The following NUS1 variants were observed in gnomAD, a reference collection of about 807,000 sequenced individuals.
The protein encoded by NUS1 is dehydrodolichyl diphosphate synthase complex subunit NUS1.
For synonymous variants in NUS1, 135 were observed against 155.2 expected (o/e 0.87, Z 0.97); for missense variants, 292 against 382.9 (o/e 0.76, Z 1.98).
chr6:117,685,048 CTTA>C (rs1466433437), intron 1 of NUS1, among the ~76,000 whole-genome samples: 3 of 152,098 alleles, frequency 2.0e-5, no homozygotes, highest in Non-Finnish European at 4.4e-5. Flanking sequence ...GGAACATTCC[CTTA>C]TTATCTAAAC....
rs1239615559 is a variant in NUS1 at position 117,708,926 on chromosome 6, A to C, written c.*1911A>C. The C allele has an allele frequency of 6.6e-6, 1 of 152,166 alleles. No homozygotes were observed. Among genetic ancestry groups the C allele is most frequent in the Non-Finnish European group, 1.5e-5 (1 of 67,986 alleles). The allele number at this position is 152,166 out of a possible 1,614,324, so 9.4% of individuals were successfully genotyped here. On this transcript the variant is annotated 3_prime_UTR_variant, in exon 5 of 5. Transcript: ENST00000368494. ...TTAGTCAAATAAATTACCTACTGGA[A>C]TATAGCCCAAGCCAGTAAAGGTTTA... is the stretch of plus-strand genomic sequence containing the variant.
chr6:117,706,908 C>T lies in NUS1; in HGVS notation c.792-17C>T, dbSNP rs146457283. The T allele has an allele frequency of 2.0e-5, 32 of 1,604,940 alleles. No individual in the cohort carries two copies. In the East Asian group the frequency reaches 6.9e-4, roughly 35 times the overall value. On this transcript the variant is annotated splice_polypyrimidine_tract_variant and intron_variant, in intron 4 of 4. Transcript: ENST00000368494. Reference sequence around the variant, plus strand: ...TGTATATCTAATTGCTTTTCTCCCCCCGTGTTTTCTTTTCAGCTCTTTGCC... The same window carrying T: ...TGTATATCTAATTGCTTTTCTCCCCTCGTGTTTTCTTTTCAGCTCTTTGCC...
chr6:117,695,950 G>A (rs1049376301), intron 3 of NUS1, among the ~76,000 whole-genome samples: 3 of 152,054 alleles, frequency 2.0e-5, no homozygotes, highest in South Asian at 2.1e-4. Flanking sequence ...TGCATTCATC[G>A]GTTAATGCAC....
At chr6:117,687,736 C>T (rs965620134) in intron 1 of NUS1, among the ~76,000 whole-genome samples, 1 of 152,186 alleles carries the variant, frequency 6.6e-6, no homozygotes, top group African/African-American at 2.4e-5. Flanking sequence ...TTCTGTTCAA[C>T]AAGCATGGAA....
In NUS1 at chr6:117,694,646, TG is replaced by T. The variant is rs144619006; in HGVS notation, c.691+467del. ...ACCAAATATACAACTGTATTTGTCATGTTATACCAAATATAACTTTTTTTCT... is the reference window on the plus strand; with the variant it reads ...ACCAAATATACAACTGTATTTGTCATTTATACCAAATATAACTTTTTTTCT... On this transcript the variant is annotated intron_variant, in intron 3 of 4. Transcript: ENST00000368494. Among the ~76,000 whole-genome samples the T allele has an allele frequency of 5.4e-3, 829 of 152,314 alleles. 8 individuals are homozygous for T. The highest frequency in any genetic ancestry group is 0.019 in the African/African-American group (775 of 41,564).
At position 117,707,090 on chromosome 6, in the gene NUS1, C is replaced by A; in HGVS notation, c.*75C>A. The A allele has an allele frequency of 8.1e-7, 1 of 1,238,126 alleles. No individual in the cohort carries two copies. Among genetic ancestry groups the A allele is most frequent in the Non-Finnish European group, 1.2e-6 (1 of 844,334 alleles). 76.7% of individuals were successfully genotyped at this position (1,238,126 alleles called of 1,614,324 possible). A position where few individuals can be genotyped will look rare whatever the true frequency, so the allele number is the denominator to read the frequency against. ...AAGTGACTCTGATGTTTACAAAGCACCTATGAAACCCTGTACACACCTAGT... is the reference window on the plus strand; with the variant it reads ...AAGTGACTCTGATGTTTACAAAGCAACTATGAAACCCTGTACACACCTAGT... On this transcript the variant is annotated 3_prime_UTR_variant, in exon 5 of 5. Transcript: ENST00000368494.
In NUS1 at chr6:117,675,941, G is replaced by A. The variant is rs779673665; in HGVS notation, c.271G>A (p.Gly91Ser). 79 of 1,545,702 alleles carry A rather than the reference G, an allele frequency of 5.1e-5. No individual in the cohort carries two copies. The highest frequency in any genetic ancestry group is 1.2e-4 in the South Asian group (10 of 83,904). Residue 91 changes from glycine to serine, a missense_variant, in exon 1 of 5, where the codon GGT (glycine) becomes AGT (serine). Transcript: ENST00000368494. The part of the protein sequence containing the change: ...AHHRMRWRAD[G>S]RSLEKLPVHM... ...CCACCGGATGCGCTGGCGCGCGGAC[G>A]GTCGTTCCTTGGAGAAGCTGCCTGT...
At chr6:117,703,346 C>T (rs898228994) in intron 3 of NUS1, among the ~76,000 whole-genome samples, 2 of 152,030 alleles carry the variant, frequency 1.3e-5, no homozygotes, top group East Asian at 3.9e-4. Context: ...GGTGGGTTAC[C>T]CTTTCTTATC....
At chr6:117,693,430 A>C (rs1182945513) in intron 2 of NUS1, among the ~76,000 whole-genome samples, 1 of 152,176 alleles carries the variant, frequency 6.6e-6, no homozygotes, top group African/African-American at 2.4e-5. Flanking sequence ...AGAGATATTG[A>C]AATGAATATA....
intron 1 of NUS1, among the ~76,000 whole-genome samples, chr6:117,688,995 G>C (rs1217737921): frequency 6.6e-6 from 1 of 152,172 alleles, no homozygotes. Flanking sequence ...TGGACAGAAA[G>C]AGAGGGCTGA....
In NUS1 at chr6:117,680,145, G is replaced by T. The variant is rs539087324; in HGVS notation, c.415+4060G>T. ...TTTTTCACTACCTGCAATATTTCTT[G>T]ATTATAATAGAGTCTGCAAGTAATT... On this transcript the variant is annotated intron_variant, in intron 1 of 4. Transcript: ENST00000368494. 1.5e-4 allele frequency among the ~76,000 whole-genome samples: 23 copies of T among 152,284 alleles called. No homozygotes were observed. The South Asian group carries it at 3.3e-3, about 22-fold the overall frequency.
chr6:117,695,721 C>T (rs543275136), intron 3 of NUS1, among the ~76,000 whole-genome samples: 2 of 152,144 alleles, frequency 1.3e-5, no homozygotes, highest in Non-Finnish European at 2.9e-5. Context: ...ATTTAGTCCC[C>T]ACTCCTGCCC....
chr6:117,690,310 C>T (rs1000505759), intron 1 of NUS1, among the ~76,000 whole-genome samples: 2 of 152,110 alleles, frequency 1.3e-5, no homozygotes, highest in African/African-American at 4.8e-5. Context: ...GTAGTGCCAT[C>T]TTAGCCTTCT....
intron 3 of NUS1, among the ~76,000 whole-genome samples, chr6:117,701,797 C>T (rs897066627): frequency 9.9e-5 from 15 of 152,076 alleles, no homozygotes; most frequent in African/African-American, 3.4e-4. Flanking sequence ...TTTCTAAATA[C>T]ACGATCATGT....
At chr6:117,695,526 G>C (rs2114688591) in intron 3 of NUS1, among the ~76,000 whole-genome samples, 1 of 152,316 alleles carries the variant, frequency 6.6e-6, no homozygotes, top group South Asian at 2.1e-4. Flanking sequence ...TCTAAAAGTT[G>C]ATGGAGATCC....
Position 117,675,894 on chromosome 6 carries a change from G to A in NUS1, c.224G>A (p.Gly75Glu), listed in dbSNP as rs557867164. ...NRRHHRHPRG[G>E]SCLAAAHHRM... The stretch of plus-strand genomic sequence containing the variant: ...CGTCACCACCGGCACCCGCGCGGGG[G>A]GTCGTGCCTGGCAGCCGCACACCAC... The change falls in exon 1 of 5, where the codon GGG (glycine) becomes GAG (glutamate). Residue 75 changes from glycine (G) to glutamate (E), a missense_variant. By Grantham distance (98) the Gly-to-Glu change is moderately conservative. Coordinates refer to ENST00000368494, the MANE Select transcript of NUS1 (RefSeq NM_138459.5). The A allele has an allele frequency of 4.0e-5, 62 of 1,537,278 alleles. No individual in the cohort carries two copies. In the African/African-American group the frequency reaches 7.3e-4, roughly 18 times the overall value.
At chr6:117,694,307 T>C in intron 3 of NUS1, 127 bp downstream of exon 3, 1 of 460,592 alleles carries the variant, frequency 2.2e-6, no homozygotes, top group Non-Finnish European at 3.6e-6. Flanking sequence ...CCTGATTCTT[T>C]TGTTGTTAAT....
At chr6:117,706,886 A>G (rs1773508404) in intron 4 of NUS1, 39 bp from the exon 5 acceptor site, 2 of 1,498,150 alleles carry the variant, frequency 1.3e-6, no homozygotes, top group Admixed American at 1.7e-5. Context: ...ATTACAGTGT[A>G]TATCTAATTG....
chr6:117,704,260 C>T (rs1331109876), intron 4 of NUS1, among the ~76,000 whole-genome samples: 1 of 151,940 alleles, frequency 6.6e-6, no homozygotes, highest in Admixed American at 6.6e-5. Context: ...AGCTTATGCA[C>T]TAGAGTGGAT....
Sources: allele counts gnomAD v4.1 joint callset (sites outside exome capture counted in the v4.1 genomes callset), GRCh38; gene constraint gnomAD v4.1.1; transcripts MANE v1.5; gene names NCBI Gene and HGNC (gene_info 2026-07-23, HGNC 2026-07-21).